The following SATB2 variants were observed in gnomAD, a reference collection of about 807,000 sequenced individuals.
SATB2 encodes the protein DNA-binding protein SATB2.
Under a neutral mutation model 73.4 loss-of-function variants are expected in SATB2, and 1 was observed. The ratio of observed to expected loss-of-function variants is 0.01; its 90% CI spans 0.00 to 0.06. The LOEUF is 0.06. Among genes scored for constraint, SATB2 ranks in the 10% least tolerant of loss-of-function variants. The probability of loss-of-function intolerance (pLI) is 1.00; values close to 1 mark genes in which losing one functional copy is unlikely to be tolerated. For synonymous variants in SATB2, 397 were observed against 367.0 expected (o/e 1.08, Z -0.93); for missense variants, 459 against 945.8 (o/e 0.49, Z 6.75).
At chr2:199,300,809 A>T (rs115552053) in intron 10 of SATB2, among the ~76,000 whole-genome samples, 234 of 152,262 alleles carry the variant, frequency 1.5e-3, no homozygotes, top group African/African-American at 5.4e-3. Flanking sequence ...TCAAGAAACC[A>T]GGGTTCTCTA....
chr2:199,454,419 T>G (rs995023824), intron 2 of SATB2, among the ~76,000 whole-genome samples: 3 of 152,194 alleles, frequency 2.0e-5, no homozygotes, highest in Admixed American at 2.0e-4. Context: ...CTATGAATTT[T>G]TATTTCTTAT....
chr2:199,357,224 C>T (rs745324824), intron 6 of SATB2, among the ~76,000 whole-genome samples: 6 of 152,142 alleles, frequency 3.9e-5, no homozygotes, highest in East Asian at 1.9e-4. Flanking sequence ...CACAAGTGCA[C>T]GTGGCACACG....
chr2:199,389,589 A>G (rs1318871709), intron 3 of SATB2, among the ~76,000 whole-genome samples: 1 of 152,216 alleles, frequency 6.6e-6, no homozygotes, highest in Non-Finnish European at 1.5e-5. Context: ...CTAAAAATCA[A>G]GAGATGCAAG....
chr2:199,313,141 T>A (rs1687640059), intron 9 of SATB2, among the ~76,000 whole-genome samples: 1 of 152,166 alleles, frequency 6.6e-6, no homozygotes, highest in Non-Finnish European at 1.5e-5. Flanking sequence ...TCATCAATAA[T>A]TGCCATATGG....
At chr2:199,338,744 C>T (rs1475009425) in intron 7 of SATB2, among the ~76,000 whole-genome samples, 1 of 151,836 alleles carries the variant, frequency 6.6e-6, no homozygotes, top group Non-Finnish European at 1.5e-5. Context: ...TGGTGAAACC[C>T]CATCTCTACT....
At chr2:199,291,024 C>T (rs1250748552) in intron 10 of SATB2, among the ~76,000 whole-genome samples, 1 of 152,080 alleles carries the variant, frequency 6.6e-6, no homozygotes, top group Non-Finnish European at 1.5e-5. Flanking sequence ...GTCAATGGCT[C>T]CCAACTGAGC....
intron 6 of SATB2, among the ~76,000 whole-genome samples, chr2:199,357,811 C>A (rs1182021573): frequency 6.6e-6 from 1 of 152,034 alleles, no homozygotes; most frequent in Non-Finnish European, 1.5e-5. Flanking sequence ...TCCCACCTGA[C>A]TGATGAAAGA....
intron 6 of SATB2, among the ~76,000 whole-genome samples, chr2:199,353,945 C>T (rs1183578989): frequency 6.6e-6 from 1 of 152,160 alleles, no homozygotes; most frequent in East Asian, 1.9e-4. Flanking sequence ...GATCAGAAAT[C>T]CTGGAAAAAA....
At chr2:199,293,053 A>C (rs1346843766) in intron 10 of SATB2, among the ~76,000 whole-genome samples, 1 of 152,186 alleles carries the variant, frequency 6.6e-6, no homozygotes, top group Non-Finnish European at 1.5e-5. Flanking sequence ...TTCAAAATGA[A>C]ATACCACATT....
intron 3 of SATB2, among the ~76,000 whole-genome samples, chr2:199,408,260 G>A (rs1175566102): frequency 6.6e-6 from 1 of 151,960 alleles, no homozygotes; most frequent in Non-Finnish European, 1.5e-5. Flanking sequence ...TCAAAAGGAT[G>A]GGCTATAACA....
chr2:199,425,786 T>C (rs888288984), intron 3 of SATB2, among the ~76,000 whole-genome samples: 7 of 152,188 alleles, frequency 4.6e-5, no homozygotes, highest in African/African-American at 1.7e-4. Flanking sequence ...ATCTTAACTA[T>C]GTATTGGGAT....
chr2:199,329,156 G>C (rs1688117878), intron 7 of SATB2: 1 of 515,286 alleles, frequency 1.9e-6, no homozygotes, highest in Non-Finnish European at 3.5e-6. Flanking sequence ...TCAGTGTACA[G>C]ACATGCCAGC....
chr2:199,366,278 CT>C (rs924283517), intron 6 of SATB2, among the ~76,000 whole-genome samples: 1 of 152,012 alleles, frequency 6.6e-6, no homozygotes, highest in African/African-American at 2.4e-5. Flanking sequence ...AATTCATTGC[CT>C]TTTTTTCATT....
rs68076423 is a variant in SATB2, at chr2:199,307,420, G to A, written c.1740+1340C>T. Among the ~76,000 whole-genome samples the A allele has an allele frequency of 1.7e-3, 262 of 152,248 alleles. 1 individual carries two copies. Among genetic ancestry groups the A allele is most frequent in the Non-Finnish European group, 3.0e-3 (206 of 68,016 alleles). On this transcript the variant is annotated intron_variant, in intron 10 of 10. Transcript: ENST00000417098. ...TAATTATCTAAAAGAAGGTGCCCTG[G>A]TGGTGGATGAGACTTCGGTCAGAAA... is the stretch of plus-strand genomic sequence containing the variant.
intron 10 of SATB2, among the ~76,000 whole-genome samples, chr2:199,278,969 C>A (rs2105718575): frequency 6.6e-6 from 1 of 152,314 alleles, no homozygotes; most frequent in South Asian, 2.1e-4. Flanking sequence ...TTAATTTACA[C>A]AGCTTTTTAA....
chr2:199,300,944 T>C (rs1367397725), intron 10 of SATB2, among the ~76,000 whole-genome samples: 3 of 151,988 alleles, frequency 2.0e-5, no homozygotes, highest in East Asian at 2.0e-4. Context: ...GTCCAGTCAC[T>C]CATAGGAGGA....
intron 3 of SATB2, among the ~76,000 whole-genome samples, chr2:199,413,007 G>A (rs1488548244): frequency 2.0e-5 from 3 of 152,126 alleles, no homozygotes; most frequent in Non-Finnish European, 4.4e-5. Context: ...GTTGGTAACA[G>A]AAAACACCAG....
chr2:199,349,392 C>G (rs1688749521), intron 6 of SATB2, among the ~76,000 whole-genome samples: 1 of 152,002 alleles, frequency 6.6e-6, no homozygotes, highest in African/African-American at 2.4e-5. Flanking sequence ...AATTATTTGC[C>G]ACTTCAATTA....
chr2:199,287,216 T>C (rs550222171), intron 10 of SATB2, among the ~76,000 whole-genome samples: 1 of 152,328 alleles, frequency 6.6e-6, no homozygotes, highest in Admixed American at 6.5e-5. Context: ...TTTGTGAGCT[T>C]TGAAACTTGT....
Sources: allele counts gnomAD v4.1 joint callset (sites outside exome capture counted in the v4.1 genomes callset), GRCh38; gene constraint gnomAD v4.1.1; transcripts MANE v1.5; gene names NCBI Gene and HGNC (gene_info 2026-07-23, HGNC 2026-07-21).